The following THNSL1 variants were observed in gnomAD, a reference collection of about 807,000 sequenced individuals.
The protein encoded by THNSL1 is threonine synthase-like 1.
In THNSL1, 48 loss-of-function variants were observed where a neutral mutation model predicts 50.4. The ratio of observed to expected loss-of-function variants is 0.95; its 90% CI spans 0.76 to 1.21. The LOEUF (loss-of-function observed/expected upper bound fraction) is 1.21. THNSL1 is among the 50% of genes most tolerant of loss of function. THNSL1 has a pLI of 0.00. For missense variants in THNSL1, 896 were observed against 871.7 expected, an observed-to-expected ratio of 1.03 and a Z score of -0.35; for synonymous variants, 309 against 306.1, an observed-to-expected ratio of 1.01 and a Z score of -0.10.
chr10:24,963,601 A>T, the THNSL1 span, among the ~76,000 whole-genome samples: 1 of 152,210 alleles, frequency 6.6e-6, no homozygotes, highest in Non-Finnish European at 1.5e-5. Context: ...GACATTACAC[A>T]TGTTCTAAAA....
the THNSL1 span, chr10:24,990,689 AG>A: frequency 4.4e-6 from 6 of 1,351,760 alleles, no homozygotes; most frequent in Non-Finnish European, 6.0e-6. Context: ...TGATGATGGA[AG>A]AAAAAGAAAT....
the THNSL1 span, among the ~76,000 whole-genome samples, chr10:24,977,151 T>A: frequency 6.6e-6 from 1 of 152,216 alleles, no homozygotes; most frequent in Non-Finnish European, 1.5e-5. Context: ...CATTCATACA[T>A]GATGCCTTTT....
chr10:24,999,325 T>C, the THNSL1 span: 13 of 1,405,026 alleles, frequency 9.3e-6, no homozygotes, highest in African/African-American at 1.5e-4. Context: ...ATGTTTAATA[T>C]TCATCAACAA....
the THNSL1 span, chr10:24,990,507 CT>C: frequency 1.2e-6 from 2 of 1,613,710 alleles, no homozygotes; most frequent in South Asian, 2.2e-5. Context: ...CTTTTCATAG[CT>C]GCTTTCTTAA....
the THNSL1 span, among the ~76,000 whole-genome samples, chr10:24,997,866 A>G: frequency 1.3e-5 from 2 of 151,226 alleles, no homozygotes; most frequent in Non-Finnish European, 2.9e-5. Context: ...GAGAGGCTAT[A>G]TGAGGACCCA....
chr10:24,979,921 G>C, the THNSL1 span, among the ~76,000 whole-genome samples: 1 of 152,154 alleles, frequency 6.6e-6, no homozygotes, highest in African/African-American at 2.4e-5. Flanking sequence ...TCAGAATTTG[G>C]TTGTAAATTT....
Position 25,025,620 on chromosome 10 carries a change from C to A in THNSL1, c.*165C>A. 1.5e-6 allele frequency: 1 copy of A among 649,078 alleles called. No individual in the cohort carries two copies. The highest frequency in any genetic ancestry group is 2.7e-6 in the Non-Finnish European group (1 of 375,802). 40.2% of individuals were successfully genotyped at this position (649,078 alleles called of 1,614,324 possible). ...GGGCTGACATGAGAACTCCATGTCA[C>A]CTCCTCAGATCTTTAATCTGGAAGT... On this transcript the variant is annotated 3_prime_UTR_variant, in exon 3 of 3. Transcript: ENST00000376356.
chr10:24,962,207 G>A, the THNSL1 span, among the ~76,000 whole-genome samples: 329 of 152,142 alleles, frequency 2.2e-3, 3 homozygotes, highest in Middle Eastern at 3.4e-3. Context: ...TTATCAACTC[G>A]TTCTATACAT....
chr10:25,018,340 T>G (rs1850650363), intron 1 of THNSL1, among the ~76,000 whole-genome samples: 1 of 152,238 alleles, frequency 6.6e-6, no homozygotes, highest in South Asian at 2.1e-4. Flanking sequence ...GTCCACCGCA[T>G]GTCCACAGGG....
the THNSL1 span, chr10:24,999,314 C>T: frequency 6.9e-6 from 9 of 1,298,850 alleles, no homozygotes; most frequent in East Asian, 2.4e-5. Flanking sequence ...ATCACCTGTG[C>T]ATGTTTAATA....
the THNSL1 span, among the ~76,000 whole-genome samples, chr10:24,990,187 G>C: frequency 6.6e-6 from 1 of 152,092 alleles, no homozygotes; most frequent in Non-Finnish European, 1.5e-5. Context: ...ATGCATGTTC[G>C]TTGTAGAGGA....
At chr10:24,984,462 T>C in the THNSL1 span, 9 of 1,388,170 alleles carry the variant, frequency 6.5e-6, no homozygotes, top group East Asian at 2.1e-4. Flanking sequence ...GTGAAACAAG[T>C]ACATAATAAT....
chr10:24,967,995 ATGTGTGTGTGTGTGTG>A, the THNSL1 span, among the ~76,000 whole-genome samples: 4 of 139,770 alleles, frequency 2.9e-5, no homozygotes, highest in African/African-American at 5.2e-5. Flanking sequence ...TATGTGTATG[ATGTGTGTGTGTGTGTG>A]TGTGTGTGTG....
At chr10:24,997,893 CT>C in the THNSL1 span, among the ~76,000 whole-genome samples, 1 of 151,676 alleles carries the variant, frequency 6.6e-6, no homozygotes, top group Non-Finnish European at 1.5e-5. Context: ...ACCAGTGGTC[CT>C]AAGGCATTGA....
upstream of THNSL1, among the ~76,000 whole-genome samples, chr10:25,016,481 C>T (rs1052406381): frequency 1.3e-5 from 2 of 152,200 alleles, no homozygotes; most frequent in African/African-American, 4.8e-5. Flanking sequence ...CGGCTGAGAC[C>T]ACGAGGACGC....
At chr10:25,005,647 C>T in the THNSL1 span, among the ~76,000 whole-genome samples, 8 of 152,196 alleles carry the variant, frequency 5.3e-5, no homozygotes, top group Non-Finnish European at 4.4e-5. Context: ...ACAGATATCC[C>T]TTAAGTCCAC....
At chr10:24,956,022 A>G in the THNSL1 span, among the ~76,000 whole-genome samples, 1 of 152,192 alleles carries the variant, frequency 6.6e-6, no homozygotes, top group Non-Finnish European at 1.5e-5. Context: ...GTCCAGGGAT[A>G]GTCTAGAGCT....
At chr10:24,962,238 G>A in the THNSL1 span, among the ~76,000 whole-genome samples, 4 of 152,208 alleles carry the variant, frequency 2.6e-5, no homozygotes, top group African/African-American at 7.2e-5. Flanking sequence ...ATATTTATAT[G>A]TGAGTATGTA....
At chr10:24,998,909 A>G in the THNSL1 span, among the ~76,000 whole-genome samples, 1 of 152,200 alleles carries the variant, frequency 6.6e-6, no homozygotes, top group Non-Finnish European at 1.5e-5. Flanking sequence ...CCTCCATTAC[A>G]TCTAACTCAT....
Sources: gnomAD v4.1 joint callset for allele counts (sites outside exome capture counted in the v4.1 genomes callset) on GRCh38, gnomAD v4.1.1 for gene constraint, MANE v1.5 for transcripts, NCBI Gene and HGNC (gene_info 2026-07-23, HGNC 2026-07-21) for gene names.